The following COG2 variants were observed in gnomAD, a reference collection of about 807,000 sequenced individuals.
The protein encoded by COG2 is component of oligomeric golgi complex 2, also known as conserved oligomeric Golgi complex subunit 2.
In COG2, 52 loss-of-function variants were observed where a neutral mutation model predicts 90.6. The ratio of observed to expected loss-of-function variants is 0.57; its 90% CI spans 0.46 to 0.72. COG2 has a LOEUF of 0.72. Among genes scored for constraint, COG2 ranks in the 30% least tolerant of loss-of-function variants. The pLI, the probability that COG2 is intolerant of heterozygous loss-of-function variation, is 0.00. For synonymous variants in COG2, 337 were observed against 320.4 expected (o/e 1.05, Z -0.55); for missense variants, 829 against 891.2 (o/e 0.93, Z 0.89).
chr1:230,654,538 A>G (rs1208821082), intron 1 of COG2, among the ~76,000 whole-genome samples: 2 of 152,192 alleles, frequency 1.3e-5, no homozygotes, highest in Non-Finnish European at 2.9e-5. Flanking sequence ...GTTTGAAGTC[A>G]GGTAGTGTGA....
intron 15 of COG2, among the ~76,000 whole-genome samples, chr1:230,689,021 A>C (rs746512405): frequency 6.6e-6 from 1 of 152,082 alleles, no homozygotes; most frequent in Admixed American, 6.5e-5. Flanking sequence ...TTAGGGGGAA[A>C]AAAAACTACA....
At chr1:230,664,987 A>G (rs767056220) in intron 5 of COG2, among the ~76,000 whole-genome samples, 80 of 152,364 alleles carry the variant, frequency 5.3e-4, no homozygotes, top group East Asian at 7.7e-4. Context: ...GAGTGTTATT[A>G]AGAAATAGTA....
Position 230,678,976 on chromosome 1 carries a change from G to A in COG2, c.1090G>A (p.Val364Ile), listed in dbSNP as rs750682297. Residue 364 changes from valine (V) to isoleucine (I), a missense_variant, in exon 10 of 18, where the codon GTA (valine) becomes ATA (isoleucine). Transcript: ENST00000366669. ...LERQCGSQAS[V>I]KRLRAHPAYH... ...ACGGCAGTGTGGATCACAGGCTAGT[G>A]TAAAGAGATTAAGAGCCCATCCTGC... 2 of 1,613,670 alleles carry A rather than the reference G, an allele frequency of 1.2e-6. No individual in the cohort carries two copies. Among genetic ancestry groups the A allele is most frequent in the African/African-American group, 1.3e-5 (1 of 74,984 alleles).
rs1558280480 is a variant in COG2 at position 230,688,442 on chromosome 1, C to T, written c.1674C>T (p.Ser558=). 8 of 1,614,032 alleles carry T rather than the reference C, an allele frequency of 5.0e-6. No homozygotes were observed. Among genetic ancestry groups the T allele is most frequent in the East Asian group, 2.2e-5 (1 of 44,882 alleles). The change falls in exon 15 of 18, where the codon AGC becomes AGT. Residue 558 remains serine, a synonymous_variant. Coordinates refer to ENST00000366669, the MANE Select transcript of COG2 (RefSeq NM_007357.3). The stretch of plus-strand genomic sequence containing the variant: ...CAGCAGCCCTGGAGGACTCCCAGAG[C>T]TCTTTTTCAGCCTGTGTGCCCTCCT... ...SISAALEDSQ[S]SFSACVPSLS...
At chr1:230,654,566 C>G (rs1322744759) in intron 1 of COG2, among the ~76,000 whole-genome samples, 1 of 152,022 alleles carries the variant, frequency 6.6e-6, no homozygotes, top group Non-Finnish European at 1.5e-5. Flanking sequence ...AGCTTTGTTC[C>G]TTTTGCTTAG....
rs1663095570 is a variant in COG2, at chr1:230,693,550, G to A, written c.*157G>A. The A allele has an allele frequency of 4.1e-6, 2 of 491,402 alleles. No homozygotes were observed. The highest frequency in any genetic ancestry group is 7.3e-6 in the Non-Finnish European group (2 of 272,854). The allele number at this position is 491,402 out of a possible 1,614,324, so 30.4% of individuals were successfully genotyped here. A position where few individuals can be genotyped will look rare whatever the true frequency, so the allele number is the denominator to read the frequency against. ...CAACACGCCCATGCGTCTTCTCTCA[G>A]CGTATTTGGGTCTTCTTTGCCCAAA... On this transcript the variant is annotated 3_prime_UTR_variant, in exon 18 of 18. Transcript: ENST00000366669.
At position 230,687,151 on chromosome 1, in the gene COG2, A is replaced by G. The variant is rs774909023; in HGVS notation, c.1578+19A>G. The G allele has an allele frequency of 1.3e-6, 2 of 1,597,230 alleles. No individual in the cohort carries two copies. The highest frequency in any genetic ancestry group is 3.4e-5 in the Admixed American group (2 of 58,860). Reference sequence around the variant, plus strand: ...GGAGCAGGTAAGCCTGTGTCCCAGAATAATTCCAGGTGCTTGGTTTAATGT... The same window carrying G: ...GGAGCAGGTAAGCCTGTGTCCCAGAGTAATTCCAGGTGCTTGGTTTAATGT... On this transcript the variant is annotated intron_variant, in intron 13 of 17. Transcript: ENST00000366669.
intron 1 of COG2, among the ~76,000 whole-genome samples, chr1:230,655,759 G>A (rs1467886083): frequency 2.6e-5 from 4 of 152,066 alleles, no homozygotes; most frequent in Non-Finnish European, 1.5e-5. Context: ...GCTATTAATT[G>A]CTGCCTCAAT....
At chr1:230,673,956 C>A (rs1277235819) in intron 8 of COG2, among the ~76,000 whole-genome samples, 1 of 152,156 alleles carries the variant, frequency 6.6e-6, no homozygotes, top group Admixed American at 6.5e-5. Context: ...TTTGACATGG[C>A]AACTTAGCTA....
chr1:230,642,773 C>G (rs912890632), intron 1 of COG2, 95 bp downstream of exon 1: 18 of 1,228,066 alleles, frequency 1.5e-5, no homozygotes, highest in Non-Finnish European at 2.1e-5. Flanking sequence ...CTCCTGCCTG[C>G]GCACGCTCAG....
intron 15 of COG2, 57 bp downstream of exon 15, chr1:230,688,619 C>A: frequency 6.3e-7 from 1 of 1,586,288 alleles, no homozygotes; most frequent in South Asian, 1.1e-5. Context: ...TTAGGAAAGC[C>A]AAAGAGGAAG....
At position 230,665,795 on chromosome 1, in the gene COG2, C is replaced by T. The variant is rs112864780; in HGVS notation, c.485+1208C>T. Among the ~76,000 whole-genome samples, 1,203 of 152,258 alleles carry T rather than the reference C, an allele frequency of 7.9e-3. 14 individuals are homozygous for T. Among genetic ancestry groups the T allele is most frequent in the African/African-American group, 0.027 (1,120 of 41,532 alleles). On this transcript the variant is annotated intron_variant, in intron 5 of 17. Coordinates refer to ENST00000366669, the MANE Select transcript of COG2 (RefSeq NM_007357.3). ...TCTGAGAGCCCAGCAGAGCCCTGTTCCACTAACTGCTCTGCTTCTGTCTTC... is the reference window on the plus strand; with the variant it reads ...TCTGAGAGCCCAGCAGAGCCCTGTTTCACTAACTGCTCTGCTTCTGTCTTC...
intron 9 of COG2, among the ~76,000 whole-genome samples, chr1:230,676,462 A>G (rs1193143578): frequency 2.0e-5 from 3 of 152,176 alleles, no homozygotes; most frequent in Non-Finnish European, 4.4e-5. Flanking sequence ...CAATACGCGG[A>G]ACTTAGAACA....
At chr1:230,675,496 C>T (rs1189934781) in intron 9 of COG2, among the ~76,000 whole-genome samples, 1 of 152,062 alleles carries the variant, frequency 6.6e-6, no homozygotes, top group Non-Finnish European at 1.5e-5. Flanking sequence ...TGAATGAAAA[C>T]AGAAAGTATT....
At position 230,685,094 on chromosome 1, in the gene COG2, C is replaced by T. The variant is rs770865600; in HGVS notation, c.1238C>T (p.Pro413Leu). Residue 413 changes from proline (P) to leucine (L), a missense_variant, in exon 12 of 18, where the codon CCG becomes CTG. By Grantham distance (98) the Pro-to-Leu change is moderately conservative. Coordinates refer to ENST00000366669, the MANE Select transcript of COG2 (RefSeq NM_007357.3). ...DVLEDAPAES[P>L]YCLLASHRTW... is the part of the protein sequence containing the mutation. ...GTTGTTTTTTCTCTAGCTGAAAGTC[C>T]GTATTGCCTTTTGGCTTCTCATAGA... is the stretch of plus-strand genomic sequence containing the variant. The T allele has an allele frequency of 3.1e-6, 5 of 1,613,792 alleles. No individual in the cohort carries two copies. The highest frequency in any genetic ancestry group is 2.2e-5 in the East Asian group (1 of 44,858).
chr1:230,676,410 T>C (rs2182795), intron 9 of COG2, among the ~76,000 whole-genome samples: 98,093 of 152,040 alleles, frequency 0.65, 32,024 homozygotes, highest in East Asian at 0.9. Context: ...GGTTACTTAA[T>C]GGAATCTAAA....
rs1553312592 is a variant in COG2 at position 230,693,241 on chromosome 1, C to CA, written c.2116-50dup. 16 of 1,031,568 alleles carry CA rather than the reference C, an allele frequency of 1.6e-5. 1 individual carries two copies. The highest frequency in any genetic ancestry group is 9.2e-5 in the South Asian group (7 of 76,252). The allele number at this position is 1,031,568 out of a possible 1,614,324, so 63.9% of individuals were successfully genotyped here. On this transcript the variant is annotated intron_variant, in intron 17 of 17. Coordinates refer to ENST00000366669, the MANE Select transcript of COG2 (RefSeq NM_007357.3). ...ATTTTCTTTCTTTTTTTTCCCCCCC[C>CA]ATATTCAGCTTGAATTGCAGTAACA...
At chr1:230,683,691 A>C (rs1205766359) in intron 11 of COG2, 56 bp downstream of exon 11, 1 of 1,181,370 alleles carries the variant, frequency 8.5e-7, no homozygotes, top group African/African-American at 1.5e-5. Context: ...CATTCAGTTC[A>C]CCAAGTCATC....
At chr1:230,693,263 A>G in intron 17 of COG2, 29 bp from the exon 18 acceptor site, 5 of 1,314,422 alleles carry the variant, frequency 3.8e-6, no homozygotes, top group Non-Finnish European at 5.5e-6. Flanking sequence ...GAATTGCAGT[A>G]ACATAATTCA....
Sources: allele counts gnomAD v4.1 joint callset (sites outside exome capture counted in the v4.1 genomes callset), GRCh38; gene constraint gnomAD v4.1.1; transcripts MANE v1.5; gene names NCBI Gene and HGNC (gene_info 2026-07-23, HGNC 2026-07-21).